The following CLK3 variants were observed in gnomAD, a reference collection of about 807,000 sequenced individuals.
The protein encoded by CLK3 is CDC like kinase 3.
Under a neutral mutation model 65.2 loss-of-function variants are expected in CLK3, and 24 were observed. The observed-to-expected ratio is 0.37, with a 90% confidence interval of 0.27 to 0.52. The LOEUF is 0.52. Ranked by LOEUF, CLK3 falls within the 20% of genes least tolerant of loss-of-function variation. The pLI, the probability that CLK3 is intolerant of heterozygous loss-of-function variation, is 0.92. For synonymous variants in CLK3, 252 were observed against 240.8 expected (o/e 1.05, Z -0.43); for missense variants, 506 against 660.0 (o/e 0.77, Z 2.56).
intron 12 of CLK3, chr15:74,629,442 T>C: frequency 1.8e-6 from 1 of 558,004 alleles, no homozygotes; most frequent in Non-Finnish European, 3.2e-6. Flanking sequence ...AGGTGATCTC[T>C]ACCCACCTGT....
At chr15:74,609,702 G>A (rs1045817703) in intron 1 of CLK3, among the ~76,000 whole-genome samples, 3 of 152,348 alleles carry the variant, frequency 2.0e-5, no homozygotes, top group Admixed American at 6.5e-5. Context: ...CGAAGCTCCT[G>A]GGCCCTGCCT....
intron 6 of CLK3, 120 bp downstream of exon 6, chr15:74,625,138 A>G: frequency 2.8e-6 from 2 of 718,742 alleles, no homozygotes; most frequent in Admixed American, 2.3e-5. Context: ...GAACCAGGGG[A>G]GTGTGGCAAA....
Position 74,621,875 on chromosome 15 carries a change from A to C in CLK3, c.370-245A>C. ...GATAATGTCCGAGTTTTCTTTACAT[A>C]CCTGTAGCTGTTTTTACTTTTCTGT... On this transcript the variant is annotated intron_variant, in intron 3 of 12. Coordinates refer to ENST00000395066, the MANE Select transcript of CLK3 (RefSeq NM_001130028.2). The surrounding 1 kb of genome is among the most constrained non-coding windows in gnomAD (Gnocchi z 4.8). 1 of 532,238 alleles carries C rather than the reference A, an allele frequency of 1.9e-6. No homozygotes were observed. Among genetic ancestry groups the C allele is most frequent in the South Asian group, 1.7e-5 (1 of 58,526 alleles). The allele number at this position is 532,238 out of a possible 1,614,324, so 33.0% of individuals were successfully genotyped here.
rs147383062 is a variant in CLK3, at chr15:74,627,113, C to T, written c.818-239C>T. 3.1e-5 allele frequency: 19 copies of T among 603,602 alleles called. No individual in the cohort carries two copies. Among genetic ancestry groups the T allele is most frequent in the Admixed American group, 3.1e-4 (14 of 45,588 alleles). The allele number at this position is 603,602 out of a possible 1,614,324, so 37.4% of individuals were successfully genotyped here. Reference sequence around the variant, plus strand: ...AGAGGAGAGGTGGAGGGAGGTTTTTCGAATGGCAAATTTCTTTCCTACCCC... The same window carrying T: ...AGAGGAGAGGTGGAGGGAGGTTTTTTGAATGGCAAATTTCTTTCCTACCCC... On this transcript the variant is annotated intron_variant, in intron 7 of 12. Transcript: ENST00000395066. The surrounding 1 kb of genome is among the most constrained non-coding windows in gnomAD (Gnocchi z 4.3).
rs1234950254 is a variant in CLK3 at position 74,621,867 on chromosome 15, C to T, written c.370-253C>T. The stretch of plus-strand genomic sequence containing the variant: ...CTCTTAAAGATAATGTCCGAGTTTT[C>T]TTTACATACCTGTAGCTGTTTTTAC... On this transcript the variant is annotated intron_variant, in intron 3 of 12. Transcript: ENST00000395066. The surrounding 1 kb of genome is among the most constrained non-coding windows in gnomAD (Gnocchi z 4.8). 4.0e-6 allele frequency: 2 copies of T among 499,824 alleles called. No individual in the cohort carries two copies. The highest frequency in any genetic ancestry group is 7.6e-6 in the Non-Finnish European group (2 of 263,768). The allele number at this position is 499,824 out of a possible 1,614,324, so 31.0% of individuals were successfully genotyped here.
Position 74,624,787 on chromosome 15 carries a change from C to T in CLK3, c.534-115C>T. ...CTGGGCATCCAGTATCTGCTCTCTTCAGTGCCGGCTGCTCCTGGAGTGGTG... is the reference window on the plus strand; with the variant it reads ...CTGGGCATCCAGTATCTGCTCTCTTTAGTGCCGGCTGCTCCTGGAGTGGTG... On this transcript the variant is annotated intron_variant, in intron 5 of 12. Coordinates refer to ENST00000395066, the MANE Select transcript of CLK3 (RefSeq NM_001130028.2). This position sits in a 1 kb window ranked among gnomAD's most constrained non-coding sequence, Gnocchi z 4.2. The T allele has an allele frequency of 4.0e-6, 3 of 744,184 alleles. No individual in the cohort carries two copies. The South Asian group carries it at 4.7e-5, about 12-fold the overall frequency. 46.1% of individuals were successfully genotyped at this position (744,184 alleles called of 1,614,324 possible).
chr15:74,629,945 C>T lies in CLK3; in HGVS notation c.*62C>T, dbSNP rs2062180257. 2.0e-6 allele frequency: 3 copies of T among 1,484,366 alleles called. No homozygotes were observed. 91.9% of individuals were successfully genotyped at this position (1,484,366 alleles called of 1,614,324 possible). A position where few individuals can be genotyped will look rare whatever the true frequency, so the allele number is the denominator to read the frequency against. On this transcript the variant is annotated 3_prime_UTR_variant, in exon 13 of 13. Transcript: ENST00000395066. ...GACTGGGCCGCCCAGCCCCTTGACTCCAGCCTCGACCGCCAGGCCCCAGGC... is the reference window on the plus strand; with the variant it reads ...GACTGGGCCGCCCAGCCCCTTGACTTCAGCCTCGACCGCCAGGCCCCAGGC...
At chr15:74,611,326 G>C (rs2141526546), upstream of CLK3, among the ~76,000 whole-genome samples, 1 of 152,366 alleles carries the variant, frequency 6.6e-6, no homozygotes, top group Non-Finnish European at 1.5e-5. Context: ...GCTTCAGCCT[G>C]CTAAGGGGAT....
At position 74,628,648 on chromosome 15, in the gene CLK3, A is replaced by G; in HGVS notation, c.1170A>G (p.Leu390=). Reference sequence around the variant, plus strand: ...ACCTGGTGATGATGGAGAAGATCCTAGGGCCCATCCCATCACACATGATCC... The same window carrying G: ...ACCTGGTGATGATGGAGAAGATCCTGGGGCCCATCCCATCACACATGATCC... The part of the protein sequence containing the change: ...REHLVMMEKI[L]GPIPSHMIHR... Residue 390 remains leucine, a synonymous_variant, in exon 11 of 13, where the codon CTA becomes CTG. Transcript: ENST00000395066. 1 of 1,613,684 alleles carries G rather than the reference A, an allele frequency of 6.2e-7. No homozygotes were observed.
chr15:74,628,708 G>T (rs1320900676), intron 11 of CLK3, 25 bp downstream of exon 11: 1 of 1,591,742 alleles, frequency 6.3e-7, no homozygotes, highest in East Asian at 2.2e-5. Context: ...AGCCCCCTCA[G>T]GGTTGGTATA....
In CLK3 at chr15:74,627,719, G is replaced by C; in HGVS notation, c.1042+51G>C. On this transcript the variant is annotated intron_variant, in intron 9 of 12. Transcript: ENST00000395066. The surrounding 1 kb of genome is among the most constrained non-coding windows in gnomAD (Gnocchi z 4.3). Reference sequence around the variant, plus strand: ...TTGTCATACTGGACTGTTGTTGGGAGGGTATGAGCAGAGGCAGTGGCATGC... The same window carrying C: ...TTGTCATACTGGACTGTTGTTGGGACGGTATGAGCAGAGGCAGTGGCATGC... The C allele has an allele frequency of 6.2e-7, 1 of 1,607,256 alleles. No individual in the cohort carries two copies. Among genetic ancestry groups the C allele is most frequent in the South Asian group, 1.1e-5 (1 of 90,856 alleles).
chr15:74,614,644 G>C (rs1283725308), upstream of CLK3, among the ~76,000 whole-genome samples: 2 of 152,378 alleles, frequency 1.3e-5, no homozygotes, highest in East Asian at 1.9e-4. Flanking sequence ...CGAAGGACTT[G>C]ATGCGCAGCC....
chr15:74,615,331 C>T (rs1386828772), upstream of CLK3: 5 of 963,364 alleles, frequency 5.2e-6, no homozygotes, highest in Non-Finnish European at 6.7e-6. Flanking sequence ...TTCAAAAAAC[C>T]CGCACACACC....
intron 3 of CLK3, chr15:74,620,937 A>G (rs2062097039): frequency 6.6e-6 from 1 of 152,512 alleles, no homozygotes; most frequent in South Asian, 2.1e-4. Flanking sequence ...CCTGGCCAGT[A>G]TTCCTAGCAT....
At chr15:74,626,547 C>T (rs1398013615) in intron 7 of CLK3, among the ~76,000 whole-genome samples, 1 of 152,238 alleles carries the variant, frequency 6.6e-6, no homozygotes, top group Admixed American at 6.5e-5. Flanking sequence ...GGCTGCAGGC[C>T]ACTGGGGTGG....
upstream of CLK3, chr15:74,615,690 G>A: frequency 8.1e-7 from 1 of 1,239,282 alleles, no homozygotes; most frequent in Non-Finnish European, 1.0e-6. Flanking sequence ...CTAGGCCGCG[G>A]CGCCCGCCGG....
upstream of CLK3, chr15:74,615,700 G>C: frequency 8.1e-7 from 1 of 1,238,820 alleles, no homozygotes; most frequent in Middle Eastern, 3.1e-4. Context: ...GCGCCCGCCG[G>C]AGCGGAGAGG....
chr15:74,627,546 A>T lies in CLK3; in HGVS notation c.920A>T (p.Glu307Val), dbSNP rs775922814. 1.2e-6 allele frequency: 2 copies of T among 1,614,064 alleles called. No individual in the cohort carries two copies. The highest frequency in any genetic ancestry group is 4.5e-5 in the East Asian group (2 of 44,898). Reference sequence around the variant, plus strand: ...GCCTGCCTTGCCTTTCAGAGCTGTGAGGAGAAGTCAGTGAAGAACACCAGC... The same window carrying T: ...GCCTGCCTTGCCTTTCAGAGCTGTGTGGAGAAGTCAGTGAAGAACACCAGC... ...ETLYNEHKSC[E>V]EKSVKNTSIR... Residue 307 changes from glutamate to valine, a missense_variant, in exon 9 of 13, where the codon GAG becomes GTG. Glu to Val is a moderately radical substitution (Grantham distance 121, BLOSUM62 -2). Transcript: ENST00000395066. This position sits in a 1 kb window ranked among gnomAD's most constrained non-coding sequence, Gnocchi z 4.3.
At chr15:74,618,326 T>C (rs1315574095) in intron 1 of CLK3, among the ~76,000 whole-genome samples, 1 of 152,202 alleles carries the variant, frequency 6.6e-6, no homozygotes, top group African/African-American at 2.4e-5. Context: ...ATATAAGTCC[T>C]CACTGAACAG....
Sources: allele counts gnomAD v4.1 joint callset (sites outside exome capture counted in the v4.1 genomes callset), GRCh38; gene constraint gnomAD v4.1.1; non-coding constraint Gnocchi (gnomAD v3.1); transcripts MANE v1.5; gene names NCBI Gene and HGNC (gene_info 2026-07-23, HGNC 2026-07-21).